The following ZFP91 variants were observed in gnomAD, a reference collection of about 807,000 sequenced individuals.
The protein encoded by ZFP91 is E3 ubiquitin-protein ligase ZFP91.
A neutral mutation model predicts 63.5 loss-of-function variants in ZFP91; 7 were observed. That is an observed-to-expected ratio of 0.11 (90% CI 0.06 to 0.21). The LOEUF is 0.21. ZFP91 is among the 10% of genes least tolerant of loss of function. The pLI is 1.00. For missense variants in ZFP91, 628 were observed against 736.6 expected, an observed-to-expected ratio of 0.85 and a Z score of 1.71; for synonymous variants, 330 against 272.1, an observed-to-expected ratio of 1.21 and a Z score of -2.10.
In ZFP91 at chr11:58,617,648, A is replaced by G. The variant is rs767691536; in HGVS notation, c.1655A>G (p.Asp552Gly). ...ACTGAAGGGCTGGTTATGAACTCAG[A>G]TATACTCGGTGCTACCACAGAGGTT... is the stretch of plus-strand genomic sequence containing the variant. ...GGTEGLVMNS[D>G]ILGATTEVLI... Residue 552 changes from aspartate (D) to glycine (G), a missense_variant, in exon 11 of 11, where the codon GAT becomes GGT. Transcript: ENST00000316059. The surrounding 1 kb of genome is among the most constrained non-coding windows in gnomAD (Gnocchi z 4.2). The G allele has an allele frequency of 6.4e-7, 1 of 1,561,422 alleles. No individual in the cohort carries two copies. The highest frequency in any genetic ancestry group is 2.2e-5 in the East Asian group (1 of 44,564).
At chr11:58,594,273 A>G (rs771633971) in intron 2 of ZFP91, among the ~76,000 whole-genome samples, 2 of 152,152 alleles carry the variant, frequency 1.3e-5, no homozygotes, top group Non-Finnish European at 2.9e-5. Flanking sequence ...CAAGACATGT[A>G]CATGTACTCG....
At chr11:58,601,244 T>C (rs1274815606) in intron 2 of ZFP91, among the ~76,000 whole-genome samples, 2 of 152,228 alleles carry the variant, frequency 1.3e-5, no homozygotes, top group East Asian at 3.8e-4. Context: ...CTGGCCTTTT[T>C]ATTGGGAGCT....
intron 2 of ZFP91, among the ~76,000 whole-genome samples, chr11:58,599,561 A>G (rs754052178): frequency 6.6e-6 from 1 of 151,858 alleles, no homozygotes; most frequent in Non-Finnish European, 1.5e-5. Context: ...TGGTAATCTC[A>G]TGTGATTTTG....
intron 4 of ZFP91, 77 bp from the exon 5 acceptor site, chr11:58,610,873 A>G (rs1855648897): frequency 1.4e-6 from 2 of 1,385,556 alleles, no homozygotes; most frequent in East Asian, 2.4e-5. Flanking sequence ...GCTACCTCTT[A>G]AAAAATTACC....
At position 58,616,780 on chromosome 11, in the gene ZFP91, G is replaced by A; in HGVS notation, c.1167G>A (p.Val389=). 5 of 1,613,826 alleles carry A rather than the reference G, an allele frequency of 3.1e-6. No individual in the cohort carries two copies. Among genetic ancestry groups the A allele is most frequent in the South Asian group, 1.1e-5 (1 of 91,074 alleles). ...RAFKSSHNLA[V]HRMIHTGEKP... ...TCAAGAGTTCCCACAATCTGGCAGT[G>A]CACCGGATGATTCACACTGGCGAGA... Residue 389 remains valine, a synonymous_variant, in exon 10 of 11, where the codon GTG becomes GTA. Transcript: ENST00000316059.
chr11:58,611,201 A>C, intron 5 of ZFP91, 147 bp downstream of exon 5: 1 of 623,970 alleles, frequency 1.6e-6, no homozygotes, highest in South Asian at 2.6e-5. Context: ...TTGTAAGTCT[A>C]ACACCTTAAT....
rs530267380 is a variant in ZFP91, at chr11:58,609,718, T to C, written c.371-112T>C. On this transcript the variant is annotated intron_variant, in intron 2 of 10. Coordinates refer to ENST00000316059, the MANE Select transcript of ZFP91 (RefSeq NM_053023.5). ...TTTCAATTAAAGTCTTCAGTTTTTT[T>C]TCCTTTGAAAATATTTAATTTATCT... 115 of 976,970 alleles carry C rather than the reference T, an allele frequency of 1.2e-4. 2 individuals carry two copies. In the South Asian group the frequency reaches 2.0e-3, roughly 17 times the overall value. The allele number at this position is 976,970 out of a possible 1,614,324, so 60.5% of individuals were successfully genotyped here. A position where few individuals can be genotyped will look rare whatever the true frequency, so the allele number is the denominator to read the frequency against.
At chr11:58,610,158 T>C in intron 3 of ZFP91, 119 bp downstream of exon 3, 1 of 1,407,602 alleles carries the variant, frequency 7.1e-7, no homozygotes, top group Non-Finnish European at 9.8e-7. Flanking sequence ...GTGTAGGTGG[T>C]ATTTCTTTGA....
chr11:58,612,073 G>C, intron 6 of ZFP91: 1 of 608,170 alleles, frequency 1.6e-6, no homozygotes, highest in Non-Finnish European at 2.9e-6. Flanking sequence ...TATTTAATCT[G>C]TCTTACAGAC....
chr11:58,604,405 C>T (rs943219489), intron 2 of ZFP91, among the ~76,000 whole-genome samples: 1 of 151,932 alleles, frequency 6.6e-6, no homozygotes, highest in Non-Finnish European at 1.5e-5. Context: ...TGATTCTTCT[C>T]AGAGTCTGAG....
At position 58,617,097 on chromosome 11, in the gene ZFP91, T is replaced by TGTGTGTGC. The variant is rs1054812389; in HGVS notation, c.1203-97_1203-96insGTGTGCGT. On this transcript the variant is annotated intron_variant, in intron 10 of 10. Coordinates refer to ENST00000316059, the MANE Select transcript of ZFP91 (RefSeq NM_053023.5). This position sits in a 1 kb window ranked among gnomAD's most constrained non-coding sequence, Gnocchi z 4.2. ...GTGTGTGTGTGTGTGTGTGTGTGTG[T>TGTGTGTGC]GTATGTATATATATGCTCTAAACTC... 1.1e-5 allele frequency: 11 copies of TGTGTGTGC among 1,040,528 alleles called. No homozygotes were observed. Among genetic ancestry groups the TGTGTGTGC allele is most frequent in the South Asian group, 4.8e-5 (3 of 62,856 alleles). 64.5% of individuals were successfully genotyped at this position (1,040,528 alleles called of 1,614,324 possible).
At chr11:58,587,793 C>T (rs1855236444) in intron 2 of ZFP91, among the ~76,000 whole-genome samples, 1 of 151,614 alleles carries the variant, frequency 6.6e-6, no homozygotes, top group African/African-American at 2.4e-5. Context: ...TTTTTTTTCT[C>T]CCATCTGTTA....
chr11:58,609,377 C>T (rs1157046941), intron 2 of ZFP91, among the ~76,000 whole-genome samples: 2 of 152,198 alleles, frequency 1.3e-5, no homozygotes, highest in East Asian at 3.8e-4. Flanking sequence ...GTGAAAAGTA[C>T]TCCTGTTAGG....
At chr11:58,592,302 G>A (rs2134397551) in intron 2 of ZFP91, among the ~76,000 whole-genome samples, 1 of 151,934 alleles carries the variant, frequency 6.6e-6, no homozygotes, top group East Asian at 1.9e-4. Flanking sequence ...GGCCAGCCTG[G>A]TCTCAAACTC....
Position 58,579,340 on chromosome 11 carries a change from A to G in ZFP91, c.59A>G (p.Glu20Gly). 1 of 1,493,560 alleles carries G rather than the reference A, an allele frequency of 6.7e-7. No homozygotes were observed. The highest frequency in any genetic ancestry group is 1.3e-5 in the South Asian group (1 of 79,400). The allele number at this position is 1,493,560 out of a possible 1,614,324, so 92.5% of individuals were successfully genotyped here. ...GAGCAGCAGGACCAGGAAGGGGGAGAGGCGGCCAAGGCGGCTCCGGAGGAG... is the reference window on the plus strand; with the variant it reads ...GAGCAGCAGGACCAGGAAGGGGGAGGGGCGGCCAAGGCGGCTCCGGAGGAG... ...PPEQQDQEGGEAAKAAPEEPQ... is the reference protein window; with the variant it reads ...PPEQQDQEGGGAAKAAPEEPQ... Residue 20 changes from glutamate to glycine, a missense_variant, in exon 1 of 11, where the codon GAG (glutamate) becomes GGG (glycine). By Grantham distance (98) the Glu-to-Gly change is moderately conservative (BLOSUM62 -2). Around this residue, in one of 3 missense-constraint regions of ZFP91, gnomAD observed 437 missense variants for 380.3 expected, o/e 1.15. Coordinates refer to ENST00000316059, the MANE Select transcript of ZFP91 (RefSeq NM_053023.5).
chr11:58,609,878 A>G lies in ZFP91; in HGVS notation c.419A>G (p.Glu140Gly). ...EEEDDSALPQ[E>G]VSIAASRPSR... The stretch of plus-strand genomic sequence containing the variant: ...GAAGACGATTCTGCCCTCCCTCAGG[A>G]AGTTTCCATTGCTGCATCTAGACCT... Residue 140 changes from glutamate (E) to glycine (G), a missense_variant, in exon 3 of 11, where the codon GAA becomes GGA. By Grantham distance (98) the Glu-to-Gly change is moderately conservative. This residue lies in a region of ZFP91 where 437 missense variants were observed against 380.3 expected (regional missense o/e 1.15). Coordinates refer to ENST00000316059, the MANE Select transcript of ZFP91 (RefSeq NM_053023.5). The G allele has an allele frequency of 6.2e-7, 1 of 1,614,210 alleles. No individual in the cohort carries two copies. Among genetic ancestry groups the G allele is most frequent in the South Asian group, 1.1e-5 (1 of 91,082 alleles).
chr11:58,593,585 T>C (rs1488691738), intron 2 of ZFP91, among the ~76,000 whole-genome samples: 1 of 152,224 alleles, frequency 6.6e-6, no homozygotes. Context: ...TTCATAAATA[T>C]TGAAAATGAT....
chr11:58,592,039 T>C (rs1049089096), intron 2 of ZFP91, among the ~76,000 whole-genome samples: 2 of 152,048 alleles, frequency 1.3e-5, no homozygotes, highest in African/African-American at 4.8e-5. Flanking sequence ...GAGGTAATTT[T>C]TGTGATGCTC....
chr11:58,606,401 G>A (rs1014017358), intron 2 of ZFP91, among the ~76,000 whole-genome samples: 4 of 151,766 alleles, frequency 2.6e-5, no homozygotes, highest in Non-Finnish European at 5.9e-5. Context: ...TCTTTTTATT[G>A]GTATTCTGTA....
Sources: allele counts gnomAD v4.1 joint callset (sites outside exome capture counted in the v4.1 genomes callset), GRCh38; gene constraint gnomAD v4.1.1; regional missense constraint gnomAD v4.1.1; non-coding constraint Gnocchi (gnomAD v3.1); transcripts MANE v1.5; gene names NCBI Gene and HGNC (gene_info 2026-07-23, HGNC 2026-07-21).